G3BP1: variants seen among roughly 807,000 people sequenced by gnomAD.
G3BP1 encodes the protein ras GTPase-activating protein-binding protein 1.
A neutral mutation model predicts 58.6 loss-of-function variants in G3BP1; 35 were observed. The observed-to-expected ratio is 0.60, with a 90% CI of 0.46 to 0.79. G3BP1 has a LOEUF of 0.79. Ranked by LOEUF, G3BP1 falls within the 30% of genes least tolerant of loss-of-function variation. The probability of loss-of-function intolerance (pLI) is 0.00; values close to 1 mark genes in which losing one functional copy is unlikely to be tolerated. For synonymous variants in G3BP1, 191 were observed against 195.4 expected, an observed-to-expected ratio of 0.98 and a Z score of 0.19; for missense variants, 523 against 580.8, an observed-to-expected ratio of 0.90 and a Z score of 1.02.
intron 1 of G3BP1, among the ~76,000 whole-genome samples, chr5:151,775,979 C>T (rs1453286496): frequency 2.0e-5 from 3 of 152,152 alleles, no homozygotes; most frequent in African/African-American, 7.2e-5. Context: ...TTTAACAGAA[C>T]TGAGAAATTA....
At chr5:151,792,470 G>A (rs2113236544) in intron 4 of G3BP1, among the ~76,000 whole-genome samples, 1 of 152,250 alleles carries the variant, frequency 6.6e-6, no homozygotes, top group East Asian at 1.9e-4. Flanking sequence ...AGAATCACAT[G>A]GAGTATGATT....
Position 151,786,579 on chromosome 5 carries a change from C to A in G3BP1, c.-42C>A. ...CTGTGTTTGATCCTTCAGGTTTGGA[C>A]ATATTTGACTCTTTTCCCCCCAGGT... On this transcript the variant is annotated 5_prime_UTR_variant, in exon 2 of 12. Transcript: ENST00000356245. 1 of 1,225,032 alleles carries A rather than the reference C, an allele frequency of 8.2e-7. No homozygotes were observed. The highest frequency in any genetic ancestry group is 1.2e-6 in the Non-Finnish European group (1 of 824,984). The allele number at this position is 1,225,032 out of a possible 1,614,324, so 75.9% of individuals were successfully genotyped here. A position where few individuals can be genotyped will look rare whatever the true frequency, so the allele number is the denominator to read the frequency against.
At chr5:151,803,135 A>C (rs900221527) in intron 11 of G3BP1, among the ~76,000 whole-genome samples, 4 of 152,160 alleles carry the variant, frequency 2.6e-5, no homozygotes, top group African/African-American at 9.7e-5. Context: ...AATTCTCAGG[A>C]GGTGTTAAAG....
At chr5:151,775,653 C>T (rs1762356985) in intron 1 of G3BP1, among the ~76,000 whole-genome samples, 1 of 152,244 alleles carries the variant, frequency 6.6e-6, no homozygotes, top group Non-Finnish European at 1.5e-5. Flanking sequence ...CTAGATTTCC[C>T]TGGAGTGTAT....
At chr5:151,782,128 A>T (rs546872760) in intron 1 of G3BP1, among the ~76,000 whole-genome samples, 3 of 152,270 alleles carry the variant, frequency 2.0e-5, no homozygotes, top group East Asian at 3.9e-4. Flanking sequence ...TTTGATACTG[A>T]TAGTAATAAT....
At chr5:151,788,409 CTTT>C (rs111844263) in intron 2 of G3BP1, among the ~76,000 whole-genome samples, 1 of 149,630 alleles carries the variant, frequency 6.7e-6, no homozygotes, top group African/African-American at 2.5e-5. Context: ...CCCTTTCTTT[CTTT>C]TTTTTTGAGA....
At chr5:151,803,667 T>C (rs1244753245) in intron 11 of G3BP1, among the ~76,000 whole-genome samples, 1 of 152,046 alleles carries the variant, frequency 6.6e-6, no homozygotes, top group African/African-American at 2.4e-5. Context: ...CTAATTTTTG[T>C]GTTTTTTTAG....
In G3BP1 at chr5:151,809,054, A is replaced by G. The variant is rs929282203; in HGVS notation, c.*4963A>G. On this transcript the variant is annotated 3_prime_UTR_variant, in exon 12 of 12. Transcript: ENST00000356245. ...GAGCCAGATGTGGTGGCGCATTCCT[A>G]TAGTCTCCGTCTCTCAGGAGGCTGA... The G allele has an allele frequency of 2.6e-5, 4 of 152,180 alleles. No homozygotes were observed. Among genetic ancestry groups the G allele is most frequent in the Non-Finnish European group, 5.9e-5 (4 of 68,112 alleles). The allele number at this position is 152,180 out of a possible 1,614,324, so 9.4% of individuals were successfully genotyped here.
At chr5:151,788,615 T>TGTGTGTGTGTGTGTGTGTG (rs1276643889) in intron 2 of G3BP1, among the ~76,000 whole-genome samples, 3 of 147,228 alleles carry the variant, frequency 2.0e-5, no homozygotes, top group Admixed American at 2.0e-4. Context: ...TGTGTGTGTA[T>TGTGTGTGTGTGTGTGTGTG]TATTTATTTA....
chr5:151,773,785 A>G (rs1762319002), intron 1 of G3BP1, among the ~76,000 whole-genome samples: 1 of 152,194 alleles, frequency 6.6e-6, no homozygotes, highest in Non-Finnish European at 1.5e-5. Context: ...TTAGCATTTT[A>G]ACTTAGACTT....
In G3BP1 at chr5:151,790,246, A is replaced by AAT. The variant is rs1223305368; in HGVS notation, c.96-77_96-76insAT. On this transcript the variant is annotated intron_variant, in intron 2 of 11. Transcript: ENST00000356245. Reference sequence around the variant, plus strand: ...ACCCCGTTGCAAAAAAAAAAAAAAAAGTTTGCCAGTATCAGACGTGAAAAA... The same window carrying AAT: ...ACCCCGTTGCAAAAAAAAAAAAAAAAATGTTTGCCAGTATCAGACGTGAAAAA... 1.2e-5 allele frequency: 8 copies of AAT among 688,652 alleles called. No individual in the cohort carries two copies. In the East Asian group the frequency reaches 2.3e-4, roughly 20 times the overall value. 42.7% of individuals were successfully genotyped at this position (688,652 alleles called of 1,614,324 possible).
chr5:151,785,835 C>T (rs1275032688), intron 1 of G3BP1, among the ~76,000 whole-genome samples: 1 of 152,124 alleles, frequency 6.6e-6, no homozygotes, highest in Non-Finnish European at 1.5e-5. Context: ...TTAAAAGATG[C>T]TATACTAAAA....
chr5:151,790,897 C>T lies in G3BP1; in HGVS notation c.186C>T (p.His62=), dbSNP rs879080296. Residue 62 remains histidine, a synonymous_variant, in exon 4 of 12, where the codon CAC becomes CAT. Coordinates refer to ENST00000356245, the MANE Select transcript of G3BP1 (RefSeq NM_005754.3). ...ADAVYGQKEI[H]RKVMSQNFTN... Reference sequence around the variant, plus strand: ...ATTATTATTTTTTTAAGGAAATCCACAGGAAAGTGATGTCACAAAACTTCA... The same window carrying T: ...ATTATTATTTTTTTAAGGAAATCCATAGGAAAGTGATGTCACAAAACTTCA... The T allele has an allele frequency of 6.4e-7, 1 of 1,572,568 alleles. No individual in the cohort carries two copies. Among genetic ancestry groups the T allele is most frequent in the Admixed American group, 1.7e-5 (1 of 59,822 alleles).
At chr5:151,796,753 G>T (rs757532525) in intron 6 of G3BP1, among the ~76,000 whole-genome samples, 1 of 152,052 alleles carries the variant, frequency 6.6e-6, no homozygotes, top group Non-Finnish European at 1.5e-5. Flanking sequence ...TAAGTGTAAA[G>T]TACAGTAGTG....
chr5:151,788,555 T>C (rs1172113599), intron 2 of G3BP1, among the ~76,000 whole-genome samples: 1 of 146,498 alleles, frequency 6.8e-6, no homozygotes, highest in Non-Finnish European at 1.5e-5. Context: ...TGCACTACCA[T>C]GCCCAGCTAA....
chr5:151,806,509 A>G lies in G3BP1; in HGVS notation c.*2418A>G, dbSNP rs1762940165. 1 of 152,150 alleles carries G rather than the reference A, an allele frequency of 6.6e-6. No individual in the cohort carries two copies. Among genetic ancestry groups the G allele is most frequent in the African/African-American group, 2.4e-5 (1 of 41,418 alleles). 9.4% of individuals were successfully genotyped at this position (152,150 alleles called of 1,614,324 possible). A position where few individuals can be genotyped will look rare whatever the true frequency, so the allele number is the denominator to read the frequency against. On this transcript the variant is annotated 3_prime_UTR_variant, in exon 12 of 12. Transcript: ENST00000356245. The stretch of plus-strand genomic sequence containing the variant: ...TGATTGTGAGGTTTTGAATGATAGT[A>G]TTGGACCTAAGAAATAGGATTAGCA...
At chr5:151,777,649 T>C (rs1161999401) in intron 1 of G3BP1, among the ~76,000 whole-genome samples, 7 of 152,218 alleles carry the variant, frequency 4.6e-5, no homozygotes, top group Non-Finnish European at 8.8e-5. Flanking sequence ...AGAGGATTAC[T>C]TGAGCCCAGA....
intron 2 of G3BP1, chr5:151,787,239 A>G (rs1003879045): frequency 1.3e-5 from 2 of 152,460 alleles, no homozygotes; most frequent in African/African-American, 2.4e-5. Context: ...ATGTAAAGGT[A>G]TAGTCATGCA....
chr5:151,774,748 C>T (rs1271382942), intron 1 of G3BP1, among the ~76,000 whole-genome samples: 2 of 151,482 alleles, frequency 1.3e-5, no homozygotes, highest in African/African-American at 2.4e-5. Context: ...GCCCGCCCCC[C>T]AGTAATTTGT....
Sources: gnomAD v4.1 joint callset for allele counts (sites outside exome capture counted in the v4.1 genomes callset) on GRCh38, gnomAD v4.1.1 for gene constraint, MANE v1.5 for transcripts, NCBI Gene and HGNC (gene_info 2026-07-23, HGNC 2026-07-21) for gene names.